The following SH3YL1 variants were observed in gnomAD, a reference collection of about 807,000 sequenced individuals.
SH3YL1 encodes SH3 domain-containing YSC84-like protein 1.
In SH3YL1, 41 loss-of-function variants were observed where a neutral mutation model predicts 45.8. The ratio of observed to expected loss-of-function variants is 0.89; its 90% CI spans 0.70 to 1.16. SH3YL1 has a LOEUF of 1.16. SH3YL1 is among the 50% of genes most tolerant of loss of function. The probability of loss-of-function intolerance (pLI) is 0.00; values close to 1 mark genes in which losing one functional copy is unlikely to be tolerated. For synonymous variants in SH3YL1, 152 were observed against 151.4 expected (o/e 1.00, Z -0.03); for missense variants, 389 against 409.6 (o/e 0.95, Z 0.43).
chr2:230,639 T>C, intron 7 of SH3YL1: 1 of 266,330 alleles, frequency 3.8e-6, no homozygotes, highest in Non-Finnish European at 7.2e-6. Flanking sequence ...CCTGAGTAGC[T>C]GAGATTATGG....
In SH3YL1 at chr2:224,919, A is replaced by C; in HGVS notation, c.783T>G (p.Ser261Arg). 6.2e-7 allele frequency: 1 copy of C among 1,609,026 alleles called. No individual in the cohort carries two copies. Among genetic ancestry groups the C allele is most frequent in the African/African-American group, 1.3e-5 (1 of 74,864 alleles). Residue 261 changes from serine to arginine, a missense_variant and splice_region_variant, in exon 9 of 10, where the codon AGT becomes AGG. Transcript: ENST00000356150. ...GATAGAGCTTATATTCATTTCTGTTACCTGCCAAAAAAGAGGAGAGTGGTG... is the reference window on the plus strand; with the variant it reads ...GATAGAGCTTATATTCATTTCTGTTCCCTGCCAAAAAAGAGGAGAGTGGTG... Reference protein sequence around the residue: ...APVQLNSGSQSNRNEYKLYPG... With the variant: ...APVQLNSGSQRNRNEYKLYPG...
Position 262,672 on chromosome 2 carries a change from A to C in SH3YL1, c.1+1312T>G, listed in dbSNP as rs1310166472. 8 of 1,304,072 alleles carry C rather than the reference A, an allele frequency of 6.1e-6. No individual in the cohort carries two copies. In the South Asian group the frequency reaches 9.9e-5, roughly 16 times the overall value. 80.8% of individuals were successfully genotyped at this position (1,304,072 alleles called of 1,614,324 possible). ...GTGCACAGGGACTTGTGAGGCTCTCAGCAGAGTCAGGGTAGCAGTTATTTC... is the reference window on the plus strand; with the variant it reads ...GTGCACAGGGACTTGTGAGGCTCTCCGCAGAGTCAGGGTAGCAGTTATTTC... On this transcript the variant is annotated intron_variant, in intron 1 of 9. Transcript: ENST00000356150.
intron 4 of SH3YL1, among the ~76,000 whole-genome samples, chr2:244,952 C>T (rs992634541): frequency 1.5e-4 from 23 of 152,096 alleles, no homozygotes; most frequent in Non-Finnish European, 1.5e-5. Flanking sequence ...TGTCTACCCT[C>T]CAGCCCCTCC....
chr2:220,188 C>CAATAATAAT (rs3976788), intron 9 of SH3YL1, among the ~76,000 whole-genome samples: 6,523 of 144,516 alleles, frequency 0.045, 198 homozygotes, highest in Middle Eastern at 0.067. Flanking sequence ...ACCCATAATA[C>CAATAATAAT]AATAATAATA....
In SH3YL1 at chr2:247,618, A is replaced by G; in HGVS notation, c.227-16T>C. 6.5e-7 allele frequency: 1 copy of G among 1,547,786 alleles called. No individual in the cohort carries two copies. ...GCAGACCATTCTAATAAAAAAACAA[A>G]CGAACGTTATCCTAACATTAAAACA... On this transcript the variant is annotated splice_polypyrimidine_tract_variant and intron_variant, in intron 3 of 9. Transcript: ENST00000356150.
intron 1 of SH3YL1, chr2:260,178 T>A (rs1669528124): frequency 6.6e-6 from 1 of 152,228 alleles, no homozygotes; most frequent in Admixed American, 6.5e-5. Context: ...TAGCCATTAC[T>A]ATCAGGTGGT....
chr2:247,740 G>C, intron 3 of SH3YL1, 138 bp from the exon 4 acceptor site: 1 of 623,404 alleles, frequency 1.6e-6, no homozygotes, highest in Non-Finnish European at 2.7e-6. Flanking sequence ...ATTTTAAAGT[G>C]ATCTTCAAAA....
intron 4 of SH3YL1, chr2:243,481 G>T (rs1668635375): frequency 6.7e-7 from 1 of 1,501,390 alleles, no homozygotes; most frequent in South Asian, 1.4e-5. Flanking sequence ...TTGAGATTAA[G>T]GAAAATGAAG....
intron 4 of SH3YL1, among the ~76,000 whole-genome samples, chr2:245,162 G>T (rs1046521215): frequency 2.0e-5 from 3 of 152,052 alleles, no homozygotes; most frequent in African/African-American, 7.2e-5. Flanking sequence ...AAAAATAGCC[G>T]ACTGCTGTGA....
chr2:253,047 T>C lies in SH3YL1; in HGVS notation c.70A>G (p.Thr24Ala), dbSNP rs1270387987. 3 of 1,550,326 alleles carry C rather than the reference T, an allele frequency of 1.9e-6. No homozygotes were observed. Among genetic ancestry groups the C allele is most frequent in the Non-Finnish European group, 2.6e-6 (3 of 1,145,928 alleles). The change falls in exon 2 of 10, where the codon ACA (threonine) becomes GCA (alanine). Residue 24 changes from threonine (T) to alanine (A), a missense_variant. Coordinates refer to ENST00000356150, the MANE Select transcript of SH3YL1 (RefSeq NM_015677.4). ...GGTCCATTTCTGGAAGTTATTTCTG[T>C]GAATTCTCTTAATATTTTGGCAGCC... ...KKAAKILREF[T>A]EITSRNGPDK...
Position 231,062 on chromosome 2 carries a change from G to A in SH3YL1, c.663C>T (p.Ile221=). ...GCTCCCTTGCTGCTTTTCTTGCATT[G>A]ATTCGTTGTCCTTCATTTTCATACT... ...TEKYENEGQR[I]NARKAAREQR... Residue 221 remains isoleucine (I), a synonymous_variant, in exon 7 of 10, where the codon ATC becomes ATT. Coordinates refer to ENST00000356150, the MANE Select transcript of SH3YL1 (RefSeq NM_015677.4). 2 of 1,614,068 alleles carry A rather than the reference G, an allele frequency of 1.2e-6. No homozygotes were observed. Among genetic ancestry groups the A allele is most frequent in the South Asian group, 1.1e-5 (1 of 91,074 alleles).
At chr2:251,588 T>C (rs1398999165) in intron 2 of SH3YL1, among the ~76,000 whole-genome samples, 1 of 152,200 alleles carries the variant, frequency 6.6e-6, no homozygotes, top group East Asian at 1.9e-4. Flanking sequence ...TTGAGTTTTC[T>C]TTAAGCTCTA....
At chr2:262,866 G>A (rs1011894683) in intron 1 of SH3YL1, 6 of 446,322 alleles carry the variant, frequency 1.3e-5, no homozygotes, top group South Asian at 9.9e-5. Flanking sequence ...AAAAGATGAG[G>A]GGTAACATTT....
chr2:232,897 G>T, intron 6 of SH3YL1: 1 of 359,776 alleles, frequency 2.8e-6, no homozygotes, highest in Non-Finnish European at 4.7e-6. Flanking sequence ...AAGGGATCGA[G>T]TTTTTTTTAT....
chr2:255,275 A>G (rs1201322593), intron 1 of SH3YL1, among the ~76,000 whole-genome samples: 2 of 152,214 alleles, frequency 1.3e-5, no homozygotes, highest in African/African-American at 4.8e-5. Context: ...AAAATGTGAT[A>G]TATTTTGGTG....
At chr2:236,140 T>C (rs1256555628) in intron 4 of SH3YL1, among the ~76,000 whole-genome samples, 4 of 66,682 alleles carry the variant, frequency 6.0e-5, no homozygotes, top group African/African-American at 6.0e-5. Context: ...GGCAGCAGCA[T>C]GGGCCAGGGG....
intron 9 of SH3YL1, among the ~76,000 whole-genome samples, chr2:220,629 G>A (rs1667529961): frequency 6.6e-6 from 1 of 152,232 alleles, no homozygotes; most frequent in African/African-American, 2.4e-5. Context: ...TCTGCCCTGG[G>A]TGGGGTACCG....
chr2:263,761 T>C, intron 1 of SH3YL1: 1 of 472,050 alleles, frequency 2.1e-6, no homozygotes, highest in Non-Finnish European at 3.8e-6. Flanking sequence ...GGAATAGCTT[T>C]TCTAAAAATG....
intron 4 of SH3YL1, chr2:243,660 G>A (rs1668646624): frequency 1.1e-5 from 14 of 1,327,730 alleles, no homozygotes; most frequent in Non-Finnish European, 1.3e-5. Context: ...AGCCTTGCTT[G>A]GACCTTTCCC....
Sources: allele counts gnomAD v4.1 joint callset (sites outside exome capture counted in the v4.1 genomes callset), GRCh38; gene constraint gnomAD v4.1.1; transcripts MANE v1.5; gene names NCBI Gene and HGNC (gene_info 2026-07-23, HGNC 2026-07-21).